The following ZNF486 variants were observed in gnomAD, a reference collection of about 807,000 sequenced individuals.
The protein encoded by ZNF486 is zinc finger protein 486, also known as KRAB box only protein 2.
A neutral mutation model predicts 12.8 loss-of-function variants in ZNF486; 12 were observed. That is an observed-to-expected ratio of 0.94 (90% CI 0.60 to 1.52). The LOEUF (loss-of-function observed/expected upper bound fraction) is 1.52. ZNF486 is among the 40% of genes most tolerant of loss of function. The pLI is 0.00. For missense variants in ZNF486, 738 were observed against 545.0 expected (o/e 1.35, Z -3.53); for synonymous variants, 231 against 184.9 (o/e 1.25, Z -2.02).
chr19:20,177,621 A>G (rs1418760354), intron 1 of ZNF486, among the ~76,000 whole-genome samples: 1 of 152,250 alleles, frequency 6.6e-6, no homozygotes, highest in African/African-American at 2.4e-5. Context: ...CTTATTGCCC[A>G]GGCTGGAGTG....
chr19:20,190,857 AAAAT>A (rs1261163638), intron 3 of ZNF486, among the ~76,000 whole-genome samples: 2 of 152,202 alleles, frequency 1.3e-5, no homozygotes, highest in African/African-American at 4.8e-5. Context: ...CTCATGCTGC[AAAAT>A]AAATCTTCAA....
intron 1 of ZNF486, chr19:20,175,182 G>A (rs2089691950): frequency 6.6e-6 from 1 of 152,084 alleles, no homozygotes; most frequent in Non-Finnish European, 1.5e-5. Context: ...GAGTAGCTGT[G>A]CGCTTTGGGT....
chr19:20,196,204 T>C (rs1245796675), intron 3 of ZNF486, among the ~76,000 whole-genome samples: 2 of 152,154 alleles, frequency 1.3e-5, no homozygotes, highest in African/African-American at 4.8e-5. Context: ...TTAGTAGAGA[T>C]GGGGTTTTAC....
intron 1 of ZNF486, among the ~76,000 whole-genome samples, chr19:20,172,164 T>C (rs2089655211): frequency 6.7e-6 from 1 of 150,160 alleles, no homozygotes; most frequent in African/African-American, 2.5e-5. Flanking sequence ...CCACCATGTC[T>C]AGCTAATTTT....
At chr19:20,196,530 A>G (rs2089959952) in intron 3 of ZNF486, among the ~76,000 whole-genome samples, 2 of 152,020 alleles carry the variant, frequency 1.3e-5, no homozygotes, top group African/African-American at 4.8e-5. Context: ...GGGTTTCACC[A>G]TCTTGGCCAG....
intron 2 of ZNF486, 133 bp downstream of exon 2, chr19:20,184,615 ATT>A (rs2089822574): frequency 9.6e-7 from 1 of 1,038,482 alleles, no homozygotes. Flanking sequence ...AATCTTCAGA[ATT>A]TGTTTATTTA....
At position 20,167,380 on chromosome 19, in the gene ZNF486, A is replaced by G. The variant is rs368058661; in HGVS notation, c.30+20A>G. 10 of 1,612,122 alleles carry G rather than the reference A, an allele frequency of 6.2e-6. No homozygotes were observed. The highest frequency in any genetic ancestry group is 2.2e-5 in the East Asian group (1 of 44,868). Reference sequence around the variant, plus strand: ...GAAATGGTGAGAGTGCCCATTGGACATCCTGAGAGAGGGGAGGGACTGGTT... The same window carrying G: ...GAAATGGTGAGAGTGCCCATTGGACGTCCTGAGAGAGGGGAGGGACTGGTT... On this transcript the variant is annotated intron_variant, in intron 1 of 3. Coordinates refer to ENST00000335117, the MANE Select transcript of ZNF486 (RefSeq NM_052852.4).
intron 1 of ZNF486, among the ~76,000 whole-genome samples, chr19:20,180,083 C>T (rs2089767987): frequency 1.3e-5 from 2 of 152,192 alleles, no homozygotes; most frequent in South Asian, 2.1e-4. Context: ...GGCCAACAGC[C>T]CTGGTTCACC....
chr19:20,196,757 C>G (rs868916985), intron 3 of ZNF486, among the ~76,000 whole-genome samples: 2 of 152,204 alleles, frequency 1.3e-5, no homozygotes, highest in African/African-American at 4.8e-5. Flanking sequence ...CTTTCACACA[C>G]TTAAAACTCA....
In ZNF486 at chr19:20,197,550, C is replaced by G. The variant is rs782221400; in HGVS notation, c.840C>G (p.Thr280=). The G allele has an allele frequency of 8.7e-6, 14 of 1,613,042 alleles. No individual in the cohort carries two copies. In the East Asian group the frequency reaches 2.7e-4, roughly 31 times the overall value. ...ECGKAFMYPY[T]LTTHKIIHTG... The stretch of plus-strand genomic sequence containing the variant: ...GCAAAGCCTTTATGTACCCCTATAC[C>G]CTTACTACACATAAGATAATCCATA... Residue 280 remains threonine, a synonymous_variant, in exon 4 of 4, where the codon ACC becomes ACG. Transcript: ENST00000335117.
Position 20,176,552 on chromosome 19 carries a change from C to T in ZNF486, c.31-7804C>T, listed in dbSNP as rs534054981. ...TGGGCAACATTGAGCACTGAGTGAA[C>T]GAGACTCCGTCTGCAATCCCGGCAC... is the stretch of plus-strand genomic sequence containing the variant. On this transcript the variant is annotated intron_variant, in intron 1 of 3. Transcript: ENST00000335117. 2.3e-4 allele frequency: 43 copies of T among 183,244 alleles called. No homozygotes were observed. In the East Asian group the frequency reaches 5.6e-3, roughly 24 times the overall value. 11.4% of individuals were successfully genotyped at this position (183,244 alleles called of 1,614,324 possible). A position where few individuals can be genotyped will look rare whatever the true frequency, so the allele number is the denominator to read the frequency against.
chr19:20,179,623 G>A (rs577502841), intron 1 of ZNF486, among the ~76,000 whole-genome samples: 4 of 152,160 alleles, frequency 2.6e-5, no homozygotes, highest in African/African-American at 9.6e-5. Flanking sequence ...GATAAGGTCT[G>A]CCCTCTGCCT....
intron 1 of ZNF486, among the ~76,000 whole-genome samples, chr19:20,180,788 T>G (rs527815093): frequency 7.9e-4 from 120 of 152,260 alleles, no homozygotes; most frequent in African/African-American, 2.7e-3. Context: ...CCTCACAAAG[T>G]GTTGGGATTA....
chr19:20,191,898 T>C (rs1302457491), intron 3 of ZNF486, among the ~76,000 whole-genome samples: 1 of 152,246 alleles, frequency 6.6e-6, no homozygotes, highest in African/African-American at 2.4e-5. Context: ...CTATTTATTA[T>C]TGCAAATGGG....
chr19:20,193,216 A>G (rs923364502), intron 3 of ZNF486, among the ~76,000 whole-genome samples: 1 of 151,944 alleles, frequency 6.6e-6, no homozygotes, highest in East Asian at 1.9e-4. Flanking sequence ...AAATTATTTT[A>G]TATGGTGTAT....
chr19:20,171,920 T>TTCATGTGTTCTTATTATTTAGC (rs1225957117), intron 1 of ZNF486, among the ~76,000 whole-genome samples: 6 of 152,206 alleles, frequency 3.9e-5, no homozygotes, highest in African/African-American at 1.4e-4. Context: ...CCTCTTTGTG[T>TTCATGTGTTCTTATTATTTAGC]TCATGTGTTC....
chr19:20,198,459 G>A lies in ZNF486; in HGVS notation c.*357G>A. ...TATTACACATAATTCATACTGGACA[G>A]AAACCCTACAAGTGTGAAGAATGTG... is the stretch of plus-strand genomic sequence containing the variant. On this transcript the variant is annotated 3_prime_UTR_variant, in exon 4 of 4. Coordinates refer to ENST00000335117, the MANE Select transcript of ZNF486 (RefSeq NM_052852.4). 1 of 232,842 alleles carries A rather than the reference G, an allele frequency of 4.3e-6. No homozygotes were observed. 14.4% of individuals were successfully genotyped at this position (232,842 alleles called of 1,614,324 possible). A position where few individuals can be genotyped will look rare whatever the true frequency, so the allele number is the denominator to read the frequency against.
chr19:20,183,703 ATG>A (rs2089811543), intron 1 of ZNF486, among the ~76,000 whole-genome samples: 1 of 151,964 alleles, frequency 6.6e-6, no homozygotes, highest in African/African-American at 2.4e-5. Flanking sequence ...ATTCATTATT[ATG>A]TTTATGCAGC....
intron 1 of ZNF486, among the ~76,000 whole-genome samples, chr19:20,171,325 A>T (rs1163853866): frequency 1.3e-5 from 2 of 152,190 alleles, no homozygotes; most frequent in Non-Finnish European, 2.9e-5. Flanking sequence ...CTCTGATTAC[A>T]GACCCCCTTT....
Sources: allele counts gnomAD v4.1 joint callset (sites outside exome capture counted in the v4.1 genomes callset), GRCh38; gene constraint gnomAD v4.1.1; transcripts MANE v1.5; gene names NCBI Gene and HGNC (gene_info 2026-07-23, HGNC 2026-07-21).